Variants in PPFIBP1 observed in about 807,000 individuals in gnomAD.
The protein encoded by PPFIBP1 is liprin-beta-1.
Under a neutral mutation model 137.8 loss-of-function variants are expected in PPFIBP1, and 112 were observed. The observed-to-expected ratio is 0.81, with a 90% CI of 0.70 to 0.95. The LOEUF (loss-of-function observed/expected upper bound fraction) is 0.95. Ranked by LOEUF, PPFIBP1 falls within the 40% of genes least tolerant of loss-of-function variation. PPFIBP1 has a pLI of 0.00. For synonymous variants in PPFIBP1, 378 were observed against 417.3 expected, an observed-to-expected ratio of 0.91 and a Z score of 1.15; for missense variants, 1,083 against 1,196.6, an observed-to-expected ratio of 0.91 and a Z score of 1.40.
chr12:27,565,819 G>A (rs1446007419), intron 1 of PPFIBP1, among the ~76,000 whole-genome samples: 1 of 148,778 alleles, frequency 6.7e-6, no homozygotes, highest in African/African-American at 2.5e-5. Flanking sequence ...GTACTAACCC[G>A]AATTTTCCTC....
intron 1 of PPFIBP1, among the ~76,000 whole-genome samples, chr12:27,549,843 G>A (rs958257663): frequency 6.6e-6 from 1 of 152,078 alleles, no homozygotes; most frequent in Non-Finnish European, 1.5e-5. Context: ...AGGAGGGTCT[G>A]ACACCCTCAC....
At chr12:27,616,091 T>A (rs1212259212) in intron 2 of PPFIBP1, among the ~76,000 whole-genome samples, 1 of 152,084 alleles carries the variant, frequency 6.6e-6, no homozygotes, top group Non-Finnish European at 1.5e-5. Flanking sequence ...CTTTTTTCCG[T>A]TCTCAATTCT....
intron 1 of PPFIBP1, chr12:27,546,918 C>T (rs2136118520): frequency 6.6e-6 from 1 of 152,352 alleles, no homozygotes; most frequent in Admixed American, 6.5e-5. Flanking sequence ...GGGAAGATCA[C>T]TTGGGCTCAG....
intron 17 of PPFIBP1, among the ~76,000 whole-genome samples, chr12:27,674,494 G>C (rs1163824018): frequency 6.6e-6 from 1 of 152,144 alleles, no homozygotes; most frequent in Admixed American, 6.6e-5. Flanking sequence ...TTTTGCTTTC[G>C]AATGATGGAA....
chr12:27,665,353 A>G (rs2140048314), intron 12 of PPFIBP1, among the ~76,000 whole-genome samples: 1 of 152,286 alleles, frequency 6.6e-6, no homozygotes, highest in South Asian at 2.1e-4. Context: ...ACAGTGGTGT[A>G]ATGAGATAGA....
intron 2 of PPFIBP1, among the ~76,000 whole-genome samples, chr12:27,606,663 A>C (rs142704088): frequency 6.6e-6 from 1 of 152,372 alleles, no homozygotes; most frequent in African/African-American, 2.4e-5. Flanking sequence ...TTGAAAAATC[A>C]ATTCCGTAAG....
chr12:27,605,891 A>C (rs1477835819), intron 2 of PPFIBP1, among the ~76,000 whole-genome samples: 1 of 152,244 alleles, frequency 6.6e-6, no homozygotes, highest in Non-Finnish European at 1.5e-5. Context: ...AATGAATGTC[A>C]GAAATGCAAT....
rs1336589200 is a variant in PPFIBP1 at position 27,636,876 on chromosome 12, A to G, written c.270+1761A>G. On this transcript the variant is annotated intron_variant, in intron 4 of 29. Transcript: ENST00000228425. ...CACAGTGGCTTTTTCACTGATTCTT[A>G]AACATGCCAGGTACACTGGCCTCAG... 2.0e-5 allele frequency: 3 copies of G among 152,148 alleles called. No individual in the cohort carries two copies. The East Asian group carries it at 5.8e-4, about 29-fold the overall frequency. 9.4% of individuals were successfully genotyped at this position (152,148 alleles called of 1,614,324 possible). A position where few individuals can be genotyped will look rare whatever the true frequency, so the allele number is the denominator to read the frequency against.
At chr12:27,684,635 T>C (rs1011203142) in intron 24 of PPFIBP1, among the ~76,000 whole-genome samples, 1 of 152,208 alleles carries the variant, frequency 6.6e-6, no homozygotes, top group African/African-American at 2.4e-5. Flanking sequence ...GAAATAATAC[T>C]AATATGTGTA....
chr12:27,630,758 C>T (rs145952151), intron 2 of PPFIBP1, among the ~76,000 whole-genome samples: 2,836 of 152,248 alleles, frequency 0.019, 39 homozygotes, highest in Middle Eastern at 0.041. Flanking sequence ...TTCATCCTCA[C>T]CTCCCTCTCA....
chr12:27,527,605 TGAA>T (rs1286738284), intron 1 of PPFIBP1, among the ~76,000 whole-genome samples: 2 of 152,188 alleles, frequency 1.3e-5, no homozygotes, highest in Non-Finnish European at 2.9e-5. Context: ...TTCAAAACGA[TGAA>T]GGAGTGAATT....
intron 24 of PPFIBP1, among the ~76,000 whole-genome samples, chr12:27,683,267 T>C (rs1008756099): frequency 3.3e-5 from 5 of 152,210 alleles, no homozygotes; most frequent in African/African-American, 1.2e-4. Context: ...AGTTTCGCCA[T>C]GTTGGCCAGC....
At chr12:27,525,276 T>C (rs2135665001) in intron 1 of PPFIBP1, among the ~76,000 whole-genome samples, 1 of 152,190 alleles carries the variant, frequency 6.6e-6, no homozygotes, top group Non-Finnish European at 1.5e-5. Flanking sequence ...CCAAGTTTGG[T>C]ATTTTGAGAA....
At chr12:27,689,918 T>A (rs545941889) in intron 27 of PPFIBP1, among the ~76,000 whole-genome samples, 1 of 152,330 alleles carries the variant, frequency 6.6e-6, no homozygotes, top group South Asian at 2.1e-4. Context: ...GCTAGCTACA[T>A]TCTGGCAGGT....
In PPFIBP1 at chr12:27,643,017, C is replaced by T. The variant is rs556884594; in HGVS notation, c.271-3045C>T. Among the ~76,000 whole-genome samples, 127 of 152,040 alleles carry T rather than the reference C, an allele frequency of 8.4e-4. 1 individual carries two copies. The highest frequency in any genetic ancestry group is 5.7e-3 in the Admixed American group (87 of 15,242). On this transcript the variant is annotated intron_variant, in intron 4 of 29. Transcript: ENST00000228425. ...CACACAAGATGGCCTTAACTATTGTCCATTACAAAGGCTCTGAGATCAGGC... is the reference window on the plus strand; with the variant it reads ...CACACAAGATGGCCTTAACTATTGTTCATTACAAAGGCTCTGAGATCAGGC...
intron 1 of PPFIBP1, chr12:27,552,752 T>C (rs1048404685): frequency 2.0e-5 from 3 of 152,216 alleles, no homozygotes; most frequent in African/African-American, 7.2e-5. Flanking sequence ...TACAGGGCTT[T>C]GCAGTGGGGG....
intron 2 of PPFIBP1, among the ~76,000 whole-genome samples, chr12:27,632,392 G>A (rs926714085): frequency 2.9e-4 from 44 of 152,120 alleles, no homozygotes; most frequent in African/African-American, 1.0e-3. Context: ...CTTTATTCGG[G>A]TCTATTGGGA....
intron 1 of PPFIBP1, among the ~76,000 whole-genome samples, chr12:27,550,211 T>A (rs954766373): frequency 6.6e-6 from 1 of 152,190 alleles, no homozygotes; most frequent in Non-Finnish European, 1.5e-5. Context: ...ATGGGGGAGC[T>A]GGGCAGTAAT....
At chr12:27,691,638 A>T in intron 27 of PPFIBP1, 111 bp from the exon 28 acceptor site, 1 of 719,836 alleles carries the variant, frequency 1.4e-6, no homozygotes, top group Non-Finnish European at 2.2e-6. Flanking sequence ...TAATTAAATT[A>T]TACATATAGG....
Sources: allele counts gnomAD v4.1 joint callset (sites outside exome capture counted in the v4.1 genomes callset), GRCh38; gene constraint gnomAD v4.1.1; transcripts MANE v1.5; gene names NCBI Gene and HGNC (gene_info 2026-07-23, HGNC 2026-07-21).